Variants in KCNG1 observed in about 807,000 individuals in gnomAD.
KCNG1 encodes the protein potassium voltage-gated channel modifier subfamily G member 1.
Under a neutral mutation model 32.4 loss-of-function variants are expected in KCNG1, and 17 were observed. That is an observed-to-expected ratio of 0.52 (90% CI 0.36 to 0.79). KCNG1 has a LOEUF of 0.79. Among genes scored for constraint, KCNG1 ranks in the 30% least tolerant of loss-of-function variants. The pLI is 0.00. For missense variants in KCNG1, 441 were observed against 735.2 expected, an observed-to-expected ratio of 0.60 and a Z score of 4.63; for synonymous variants, 358 against 339.9, an observed-to-expected ratio of 1.05 and a Z score of -0.59.
chr20:51,005,193 A>G lies in KCNG1; in HGVS notation c.775-387T>C. 1 of 175,730 alleles carries G rather than the reference A, an allele frequency of 5.7e-6. No individual in the cohort carries two copies. The allele number at this position is 175,730 out of a possible 1,614,324, so 10.9% of individuals were successfully genotyped here. On this transcript the variant is annotated intron_variant, in intron 2 of 2. Transcript: ENST00000371571. This position sits in a 1 kb window ranked among gnomAD's most constrained non-coding sequence, Gnocchi z 4.0. ...TCTTTCCAATGGCTTAGGACAGGAGACCTGGCGTCATCCTTACCACCTTGC... is the reference window on the plus strand; with the variant it reads ...TCTTTCCAATGGCTTAGGACAGGAGGCCTGGCGTCATCCTTACCACCTTGC...
chr20:51,007,612 C>G (rs1055317486), intron 2 of KCNG1, among the ~76,000 whole-genome samples: 1 of 152,162 alleles, frequency 6.6e-6, no homozygotes, highest in African/African-American at 2.4e-5. Flanking sequence ...CCTCCACATA[C>G]ATAAGTGGAA....
At chr20:51,012,412 G>A in intron 1 of KCNG1, 1 of 152,414 alleles carries the variant, frequency 6.6e-6, no homozygotes, top group Non-Finnish European at 1.5e-5. Flanking sequence ...TAGGCAGCCT[G>A]CTCCCTGGGG....
At chr20:51,019,953 T>C (rs974682315) in intron 1 of KCNG1, among the ~76,000 whole-genome samples, 4 of 152,200 alleles carry the variant, frequency 2.6e-5, no homozygotes, top group Non-Finnish European at 5.9e-5. Flanking sequence ...GAATATATCT[T>C]TCTTAGCCAC....
At chr20:51,021,930 T>G (rs1344975341) in intron 1 of KCNG1, among the ~76,000 whole-genome samples, 1 of 151,760 alleles carries the variant, frequency 6.6e-6, no homozygotes, top group Admixed American at 6.6e-5. Context: ...CAATTCCAGC[T>G]TCCACACCTC....
chr20:51,004,273 CG>C lies in KCNG1; in HGVS notation c.1307del (p.Pro436ArgfsTer4). On this transcript the variant is annotated frameshift_variant, in exon 3 of 3. Coordinates refer to ENST00000371571, the MANE Select transcript of KCNG1 (RefSeq NM_002237.4). LOFTEE classifies it high-confidence loss of function. The surrounding 1 kb of genome is among the most constrained non-coding windows in gnomAD (Gnocchi z 4.3). ...TGCTGCTCAGGGCCACTACCTGGCC[CG>C]GGGTGCTCCTGGGGACCATGTCGCC... ...GYGDMVPRST[P>X]GQVVALSSIL... 6.2e-7 allele frequency: 1 copy of C among 1,613,486 alleles called. No individual in the cohort carries two copies. The highest frequency in any genetic ancestry group is 1.1e-5 in the South Asian group (1 of 91,066).
chr20:51,013,438 G>A (rs2123251088), intron 1 of KCNG1, among the ~76,000 whole-genome samples: 1 of 152,104 alleles, frequency 6.6e-6, no homozygotes, highest in South Asian at 2.1e-4. Context: ...TCGGTGCTGT[G>A]GACATGTTCA....
Position 51,009,793 on chromosome 20 carries a change from C to T in KCNG1, c.546G>A (p.Arg182=). The change falls in exon 2 of 3, where the codon CGG becomes CGA. Residue 182 remains arginine, a synonymous_variant. Transcript: ENST00000371571. Reference sequence around the variant, plus strand: ...TGTCCAGCGCGTCGTCCTCTTCCTCCCGCTCCACCATCTCCGCGAACTCCT... The same window carrying T: ...TGTCCAGCGCGTCGTCCTCTTCCTCTCGCTCCACCATCTCCGCGAACTCCT... ...KIEEFAEMVE[R]EEEDDALDSE... The T allele has an allele frequency of 9.3e-6, 15 of 1,612,390 alleles. No homozygotes were observed. The highest frequency in any genetic ancestry group is 1.3e-5 in the Non-Finnish European group (15 of 1,179,888).
Position 51,005,864 on chromosome 20 carries a change from C to T in KCNG1, c.775-1058G>A, listed in dbSNP as rs374688281. 43 of 152,326 alleles carry T rather than the reference C, an allele frequency of 2.8e-4. No homozygotes were observed. The highest frequency in any genetic ancestry group is 1.0e-3 in the African/African-American group (42 of 41,550). The allele number at this position is 152,326 out of a possible 1,614,324, so 9.4% of individuals were successfully genotyped here. A position where few individuals can be genotyped will look rare whatever the true frequency, so the allele number is the denominator to read the frequency against. The stretch of plus-strand genomic sequence containing the variant: ...TTCTACAAGTCCCACTTGAACAATT[C>T]TGTCTCTAGGAATATGTTAGAGGCT... On this transcript the variant is annotated intron_variant, in intron 2 of 2. Coordinates refer to ENST00000371571, the MANE Select transcript of KCNG1 (RefSeq NM_002237.4). This position sits in a 1 kb window ranked among gnomAD's most constrained non-coding sequence, Gnocchi z 4.0.
At chr20:51,020,691 A>G (rs1169609075) in intron 1 of KCNG1, among the ~76,000 whole-genome samples, 1 of 152,130 alleles carries the variant, frequency 6.6e-6, no homozygotes, top group Non-Finnish European at 1.5e-5. Context: ...CTCTGGCAAC[A>G]GGCAATGTTG....
At chr20:51,008,375 A>G (rs6013056) in intron 2 of KCNG1, among the ~76,000 whole-genome samples, 117,844 of 152,094 alleles carry the variant, frequency 0.77, 46,480 homozygotes, top group Middle Eastern at 0.88. Flanking sequence ...CTGTCGCCCA[A>G]GCAGGAGTGC....
chr20:51,008,374 A>C (rs1987920289), intron 2 of KCNG1, among the ~76,000 whole-genome samples: 1 of 152,182 alleles, frequency 6.6e-6, no homozygotes, highest in South Asian at 2.1e-4. Context: ...TCTGTCGCCC[A>C]AGCAGGAGTG....
chr20:51,009,404 C>T, intron 2 of KCNG1, 161 bp downstream of exon 2: 5 of 888,434 alleles, frequency 5.6e-6, no homozygotes, highest in Non-Finnish European at 8.4e-6. Context: ...CACATATTAA[C>T]AGGGAGGCAG....
intron 1 of KCNG1, among the ~76,000 whole-genome samples, chr20:51,011,227 C>T (rs1988079781): frequency 6.6e-6 from 1 of 152,242 alleles, no homozygotes; most frequent in Non-Finnish European, 1.5e-5. Context: ...ACTGGGGATG[C>T]AGCCGTGTGC....
intron 1 of KCNG1, among the ~76,000 whole-genome samples, chr20:51,021,421 C>G (rs1318512879): frequency 6.6e-6 from 1 of 152,152 alleles, no homozygotes; most frequent in Non-Finnish European, 1.5e-5. Context: ...GCCACAGTGC[C>G]GACCGCAAGG....
In KCNG1 at chr20:51,004,813, G is replaced by C. The variant is rs1601090278; in HGVS notation, c.775-7C>G. 1.9e-6 allele frequency: 3 copies of C among 1,547,412 alleles called. No homozygotes were observed. The highest frequency in any genetic ancestry group is 2.3e-5 in the East Asian group (1 of 43,336). ...ACATCTGGGAACAGTGGCCCTGGGA[G>C]AGAGGGGAAGGGACGCCGGAGGGGT... is the stretch of plus-strand genomic sequence containing the variant. On this transcript the variant is annotated splice_polypyrimidine_tract_variant and splice_region_variant and intron_variant, in intron 2 of 2. Coordinates refer to ENST00000371571, the MANE Select transcript of KCNG1 (RefSeq NM_002237.4). The surrounding 1 kb of genome is among the most constrained non-coding windows in gnomAD (Gnocchi z 4.3).
At chr20:51,019,978 C>T (rs538827970) in intron 1 of KCNG1, among the ~76,000 whole-genome samples, 5 of 152,220 alleles carry the variant, frequency 3.3e-5, no homozygotes, top group Non-Finnish European at 7.3e-5. Context: ...TGTCTGTTCT[C>T]GCCACAGTCC....
At position 51,004,811 on chromosome 20, in the gene KCNG1, G is replaced by C. The variant is rs1483870441; in HGVS notation, c.775-5C>G. 3 of 1,550,754 alleles carry C rather than the reference G, an allele frequency of 1.9e-6. No individual in the cohort carries two copies. The East Asian group carries it at 6.9e-5, about 36-fold the overall frequency. On this transcript the variant is annotated splice_polypyrimidine_tract_variant and splice_region_variant and intron_variant, in intron 2 of 2. Transcript: ENST00000371571. The surrounding 1 kb of genome is among the most constrained non-coding windows in gnomAD (Gnocchi z 4.3). Reference sequence around the variant, plus strand: ...GCACATCTGGGAACAGTGGCCCTGGGAGAGAGGGGAAGGGACGCCGGAGGG... The same window carrying C: ...GCACATCTGGGAACAGTGGCCCTGGCAGAGAGGGGAAGGGACGCCGGAGGG...
rs1401561765 is a variant in KCNG1, at chr20:51,010,171, A to G, written c.168T>C (p.Cys56=). The G allele has an allele frequency of 1.9e-6, 3 of 1,607,794 alleles. No homozygotes were observed. Among genetic ancestry groups the G allele is most frequent in the African/African-American group, 1.3e-5 (1 of 74,880 alleles). ...TCCGACGGCGGCGGTCCTCGGGCTG[A>G]CAGCCCTGGCGGGGCTCATCCTGCG... is the stretch of plus-strand genomic sequence containing the variant. The part of the protein sequence containing the change: ...LRPQDEPRQG[C]QPEDRRRRII... Residue 56 remains cysteine (C), a synonymous_variant, in exon 2 of 3, where the codon TGT becomes TGC. Coordinates refer to ENST00000371571, the MANE Select transcript of KCNG1 (RefSeq NM_002237.4).
In KCNG1 at chr20:51,009,396, C is replaced by A. The variant is rs569327087; in HGVS notation, c.774+169G>T. On this transcript the variant is annotated intron_variant, in intron 2 of 2. Coordinates refer to ENST00000371571, the MANE Select transcript of KCNG1 (RefSeq NM_002237.4). The stretch of plus-strand genomic sequence containing the variant: ...CAGGCGTGGACCCCCATGATGCTCA[C>A]ATATTAACAGGGAGGCAGACCATGC... The A allele has an allele frequency of 2.0e-4, 165 of 828,614 alleles. 1 individual carries two copies. Among genetic ancestry groups the A allele is most frequent in the South Asian group, 1.0e-3 (56 of 55,316 alleles). The allele number at this position is 828,614 out of a possible 1,614,324, so 51.3% of individuals were successfully genotyped here.
Sources: gnomAD v4.1 joint callset for allele counts (sites outside exome capture counted in the v4.1 genomes callset) on GRCh38, gnomAD v4.1.1 for gene constraint, Gnocchi (gnomAD v3.1) non-coding constraint, MANE v1.5 for transcripts, NCBI Gene and HGNC (gene_info 2026-07-23, HGNC 2026-07-21) for gene names.